The following HADH variants were observed in gnomAD, a reference collection of about 807,000 sequenced individuals.
HADH encodes the protein hydroxyacyl-coenzyme A dehydrogenase, mitochondrial.
Under a neutral mutation model 32.2 loss-of-function variants are expected in HADH, and 24 were observed. The observed-to-expected ratio is 0.75, with a 90% confidence interval of 0.54 to 1.05. The LOEUF is 1.05. Ranked by LOEUF, HADH falls within the 50% of genes least tolerant of loss-of-function variation. The pLI is 0.00. For missense variants in HADH, 350 were observed against 397.1 expected (o/e 0.88, Z 1.01); for synonymous variants, 139 against 152.5 (o/e 0.91, Z 0.65).
In HADH at chr4:108,000,933, A is replaced by G. The variant is rs577213890; in HGVS notation, c.133-8826A>G. Among the ~76,000 whole-genome samples, 5 of 152,390 alleles carry G rather than the reference A, an allele frequency of 3.3e-5. No individual in the cohort carries two copies. The East Asian group carries it at 7.7e-4, about 23-fold the overall frequency. On this transcript the variant is annotated intron_variant, in intron 1 of 7. Coordinates refer to ENST00000309522, the MANE Select transcript of HADH (RefSeq NM_005327.7). ...GCATGTGATAAGTACTAAGGGCTAC[A>G]AAGACCAAATCAATTTCTGCCATTA...
intron 1 of HADH, among the ~76,000 whole-genome samples, chr4:108,000,602 C>G (rs1578245267): frequency 6.6e-6 from 1 of 152,210 alleles, no homozygotes; most frequent in Non-Finnish European, 1.5e-5. Flanking sequence ...CACAAAAGAT[C>G]TGCTGTATCT....
chr4:108,008,692 C>A (rs1273681607), intron 1 of HADH, among the ~76,000 whole-genome samples: 1 of 152,166 alleles, frequency 6.6e-6, no homozygotes, highest in Non-Finnish European at 1.5e-5. Context: ...CTGTTGGTGT[C>A]ATCGAGGTTC....
At chr4:108,014,386 C>T (rs753063718) in intron 2 of HADH, 45 bp from the exon 3 acceptor site, 1 of 1,611,748 alleles carries the variant, frequency 6.2e-7, no homozygotes, top group South Asian at 1.1e-5. Context: ...AAGATAATTT[C>T]CAGTGAGCCC....
intron 1 of HADH, among the ~76,000 whole-genome samples, chr4:107,993,903 G>T (rs1342591858): frequency 5.1e-5 from 7 of 136,716 alleles, no homozygotes; most frequent in Non-Finnish European, 4.5e-5. Context: ...TGGGGGACAG[G>T]TTGTTTTTTT....
intron 6 of HADH, chr4:108,032,830 A>G (rs1578267981): frequency 2.8e-6 from 1 of 354,624 alleles, no homozygotes; most frequent in Non-Finnish European, 5.4e-6. Flanking sequence ...AAAAATATAA[A>G]TATTAGCCTT....
rs1003651236 is a variant in HADH at position 108,034,927 on chromosome 4, A to G, written c.*570A>G. 8 of 181,866 alleles carry G rather than the reference A, an allele frequency of 4.4e-5. No homozygotes were observed. The highest frequency in any genetic ancestry group is 8.3e-5 in the Non-Finnish European group (7 of 84,182). 11.3% of individuals were successfully genotyped at this position (181,866 alleles called of 1,614,324 possible). On this transcript the variant is annotated 3_prime_UTR_variant, in exon 8 of 8. Transcript: ENST00000309522. ...AGATGCTGCTGCTGAATGGGTCAGC[A>G]TATCTCTGTTTGCATGGTTTGCAGG... is the stretch of plus-strand genomic sequence containing the variant.
chr4:107,992,164 T>A (rs1339369270), intron 1 of HADH, among the ~76,000 whole-genome samples: 1 of 152,136 alleles, frequency 6.6e-6, no homozygotes, highest in African/African-American at 2.4e-5. Context: ...AACTCTTAAA[T>A]AGGTGGACCA....
intron 1 of HADH, among the ~76,000 whole-genome samples, chr4:107,997,934 C>T (rs1029586497): frequency 6.6e-6 from 1 of 152,152 alleles, no homozygotes; most frequent in African/African-American, 2.4e-5. Context: ...ATGAATTGTA[C>T]TTGTTTCTCT....
intron 1 of HADH, among the ~76,000 whole-genome samples, chr4:107,990,394 A>G (rs1235449162): frequency 6.6e-6 from 1 of 152,216 alleles, no homozygotes; most frequent in Non-Finnish European, 1.5e-5. Context: ...TTGTATGTGC[A>G]CAAGGTTCAG....
At chr4:108,013,553 G>A (rs1735579209) in intron 2 of HADH, among the ~76,000 whole-genome samples, 1 of 152,106 alleles carries the variant, frequency 6.6e-6, no homozygotes, top group Non-Finnish European at 1.5e-5. Context: ...GGAGGGAGGT[G>A]TCAGTTTCTC....
In HADH at chr4:108,034,456, C is replaced by T; in HGVS notation, c.*99C>T. 1 of 780,522 alleles carries T rather than the reference C, an allele frequency of 1.3e-6. No individual in the cohort carries two copies. The highest frequency in any genetic ancestry group is 2.4e-6 in the Non-Finnish European group (1 of 420,818). The allele number at this position is 780,522 out of a possible 1,614,324, so 48.3% of individuals were successfully genotyped here. On this transcript the variant is annotated 3_prime_UTR_variant, in exon 8 of 8. Transcript: ENST00000309522. Reference sequence around the variant, plus strand: ...TGCTCTTTGGTCAGACATTCCCTCACACAGTACAGTTTAATAAATGTGCAT... The same window carrying T: ...TGCTCTTTGGTCAGACATTCCCTCATACAGTACAGTTTAATAAATGTGCAT...
chr4:108,001,629 A>G (rs1039151723), intron 1 of HADH, among the ~76,000 whole-genome samples: 2 of 152,136 alleles, frequency 1.3e-5, no homozygotes, highest in Admixed American at 1.3e-4. Flanking sequence ...TGCAGATAGT[A>G]CCAAATCCTA....
At chr4:108,014,007 T>C (rs566213050) in intron 2 of HADH, among the ~76,000 whole-genome samples, 9 of 152,162 alleles carry the variant, frequency 5.9e-5, no homozygotes, top group African/African-American at 2.2e-4. Flanking sequence ...TCTGTCCTTA[T>C]TGAGGTCTGT....
intron 1 of HADH, chr4:108,004,834 G>GA (rs1462768736): frequency 6.5e-7 from 1 of 1,535,970 alleles, no homozygotes; most frequent in Non-Finnish European, 8.7e-7. Flanking sequence ...CTGGAGGAAG[G>GA]AACATGACCC....
intron 1 of HADH, among the ~76,000 whole-genome samples, chr4:107,994,315 T>TA (rs1418320670): frequency 2.6e-5 from 4 of 152,030 alleles, no homozygotes; most frequent in Admixed American, 2.0e-4. Flanking sequence ...AAAAACAAAG[T>TA]AAGGGCAGGG....
chr4:108,007,692 C>G (rs926621730), intron 1 of HADH, among the ~76,000 whole-genome samples: 1 of 152,154 alleles, frequency 6.6e-6, no homozygotes, highest in Non-Finnish European at 1.5e-5. Context: ...GACTAACGCA[C>G]CAGTAGGAGA....
chr4:107,996,028 T>C (rs1333175821), intron 1 of HADH, among the ~76,000 whole-genome samples: 1 of 152,218 alleles, frequency 6.6e-6, no homozygotes, highest in Non-Finnish European at 1.5e-5. Context: ...TTGCCCCTCC[T>C]GTTGCTGCAG....
chr4:108,016,663 CAGA>C (rs1168876091), intron 3 of HADH, among the ~76,000 whole-genome samples: 1 of 152,230 alleles, frequency 6.6e-6, no homozygotes, highest in African/African-American at 2.4e-5. Context: ...ATGTCTGGTA[CAGA>C]AGAAGGATCA....
At chr4:108,024,498 G>A (rs1373012350) in intron 5 of HADH, 3 of 152,158 alleles carry the variant, frequency 2.0e-5, no homozygotes, top group African/African-American at 7.2e-5. Flanking sequence ...ACCTGAAGAA[G>A]CCATCTGTTG....
Sources: allele counts gnomAD v4.1 joint callset (sites outside exome capture counted in the v4.1 genomes callset), GRCh38; gene constraint gnomAD v4.1.1; transcripts MANE v1.5; gene names NCBI Gene and HGNC (gene_info 2026-07-23, HGNC 2026-07-21).